Variants in CBL observed in about 807,000 individuals in gnomAD.
The protein encoded by CBL is E3 ubiquitin-protein ligase CBL.
Under a neutral mutation model 96.9 loss-of-function variants are expected in CBL, and 45 were observed. The observed-to-expected ratio is 0.46, with a 90% confidence interval of 0.37 to 0.60. The LOEUF (loss-of-function observed/expected upper bound fraction) is 0.60, where lower values mean the gene tolerates loss of function less well. CBL is among the 20% of genes least tolerant of loss of function. The pLI is 0.00. For synonymous variants in CBL, 420 were observed against 426.8 expected, an observed-to-expected ratio of 0.98 and a Z score of 0.20; for missense variants, 1,024 against 1,143.5, an observed-to-expected ratio of 0.90 and a Z score of 1.51.
intron 1 of CBL, among the ~76,000 whole-genome samples, chr11:119,227,889 T>C (rs2047609438): frequency 6.6e-6 from 1 of 152,196 alleles, no homozygotes; most frequent in South Asian, 2.1e-4. Context: ...TTTATTGTTT[T>C]ATTGCTTGAT....
At chr11:119,224,256 G>T (rs1949436996) in intron 1 of CBL, among the ~76,000 whole-genome samples, 1 of 152,140 alleles carries the variant, frequency 6.6e-6, no homozygotes, top group Non-Finnish European at 1.5e-5. Context: ...AACATTTATT[G>T]ATTGCATATG....
At chr11:119,258,696 G>A (rs924370980) in intron 2 of CBL, among the ~76,000 whole-genome samples, 5 of 152,110 alleles carry the variant, frequency 3.3e-5, no homozygotes, top group Non-Finnish European at 2.9e-5. Flanking sequence ...AGTATAATTT[G>A]ATGTTGGGTA....
intron 1 of CBL, among the ~76,000 whole-genome samples, chr11:119,231,791 C>T (rs575733544): frequency 6.6e-6 from 1 of 151,840 alleles, no homozygotes; most frequent in Non-Finnish European, 1.5e-5. Flanking sequence ...TTATTTCTGT[C>T]CCTGGGAATT....
chr11:119,288,818 G>A (rs1281289513), intron 12 of CBL, among the ~76,000 whole-genome samples: 3 of 152,146 alleles, frequency 2.0e-5, no homozygotes, highest in African/African-American at 7.2e-5. Flanking sequence ...AAGCCTGACT[G>A]TGTTTATTGA....
chr11:119,227,263 A>G (rs1949466037), intron 1 of CBL, among the ~76,000 whole-genome samples: 1 of 152,160 alleles, frequency 6.6e-6, no homozygotes, highest in Non-Finnish European at 1.5e-5. Context: ...AACATGTTTA[A>G]GGTAGGCTAG....
intron 2 of CBL, among the ~76,000 whole-genome samples, chr11:119,265,081 A>G (rs941384122): frequency 6.6e-6 from 1 of 151,856 alleles, no homozygotes; most frequent in Non-Finnish European, 1.5e-5. Flanking sequence ...GGGTCTCACT[A>G]TATTGCCCAG....
chr11:119,278,464 A>T (rs2135304275), intron 8 of CBL, 46 bp from the exon 9 acceptor site: 12 of 1,560,888 alleles, frequency 7.7e-6, no homozygotes, highest in Non-Finnish European at 1.1e-5. Flanking sequence ...TTAATATTTT[A>T]AGTATTTTCA....
chr11:119,258,571 T>TG (rs1260670800), intron 2 of CBL, among the ~76,000 whole-genome samples: 7 of 152,172 alleles, frequency 4.6e-5, no homozygotes, highest in Non-Finnish European at 7.3e-5. Flanking sequence ...TCTCCAGCAC[T>TG]GGGGGATTAC....
At position 119,240,090 on chromosome 11, in the gene CBL, G is replaced by A. The variant is rs11217205; in HGVS notation, c.443+7395G>A. 1.3e-3 allele frequency among the ~76,000 whole-genome samples: 191 copies of A among 152,010 alleles called. 3 individuals are homozygous for A. The East Asian group carries it at 0.025, about 20-fold the overall frequency. Reference sequence around the variant, plus strand: ...GCAGATCACTTGAGGTCAGGAGTTGGAGACCAGCCTGGCCAACATAGTGAA... The same window carrying A: ...GCAGATCACTTGAGGTCAGGAGTTGAAGACCAGCCTGGCCAACATAGTGAA... On this transcript the variant is annotated intron_variant, in intron 2 of 15. Coordinates refer to ENST00000264033, the MANE Select transcript of CBL (RefSeq NM_005188.4).
At position 119,252,699 on chromosome 11, in the gene CBL, TACAA is replaced by T. The variant is rs540740007; in HGVS notation, c.444-19014_444-19011del. Reference sequence around the variant, plus strand: ...GGTGAAACCCCATCTCTACCAAAAATACAAACAAACAAACAAACAAACAAAAAAA... The same window carrying T: ...GGTGAAACCCCATCTCTACCAAAAATACAAACAAACAAACAAACAAAAAAA... On this transcript the variant is annotated intron_variant, in intron 2 of 15. Coordinates refer to ENST00000264033, the MANE Select transcript of CBL (RefSeq NM_005188.4). 4.2e-3 allele frequency among the ~76,000 whole-genome samples: 634 copies of T among 151,776 alleles called. 2 individuals carry two copies. Among genetic ancestry groups the T allele is most frequent in the Non-Finnish European group, 5.4e-3 (369 of 67,938 alleles).
intron 6 of CBL, among the ~76,000 whole-genome samples, chr11:119,277,241 GCACACACACACACACA>G (rs59099916): frequency 4.1e-5 from 6 of 146,386 alleles, no homozygotes; most frequent in Non-Finnish European, 7.5e-5. Context: ...AATCTGTCGC[GCACACACACACACACA>G]CACACACACA....
intron 3 of CBL, 144 bp from the exon 4 acceptor site, chr11:119,273,724 A>G: frequency 1.3e-6 from 1 of 757,490 alleles, no homozygotes; most frequent in Non-Finnish European, 2.2e-6. Context: ...CTTTTCTTAA[A>G]GAAGTTGACC....
In CBL at chr11:119,299,532, A is replaced by G. The variant is rs1448727897; in HGVS notation, c.2472A>G (p.Pro824=). The change falls in exon 16 of 16, where the codon CCA becomes CCG. Residue 824 remains proline, a synonymous_variant. Transcript: ENST00000264033. The part of the protein sequence containing the change: ...TEGSQVPERP[P]KPFPRRINSE... ...GTTCCCAAGTTCCCGAGAGGCCTCC[A>G]AAACCATTCCCGCGGAGAATCAACT... 6.2e-7 allele frequency: 1 copy of G among 1,614,182 alleles called. No individual in the cohort carries two copies. The highest frequency in any genetic ancestry group is 1.1e-5 in the South Asian group (1 of 91,084).
chr11:119,219,251 C>G (rs1162328134), intron 1 of CBL, among the ~76,000 whole-genome samples: 3 of 151,708 alleles, frequency 2.0e-5, no homozygotes, highest in African/African-American at 7.3e-5. Context: ...TGGAGGCGGG[C>G]TCCTGTAATC....
At chr11:119,284,583 C>G (rs946621629) in intron 9 of CBL, among the ~76,000 whole-genome samples, 1 of 152,104 alleles carries the variant, frequency 6.6e-6, no homozygotes, top group Non-Finnish European at 1.5e-5. Flanking sequence ...CTGCCCCTTA[C>G]TTTTTATATG....
intron 2 of CBL, among the ~76,000 whole-genome samples, chr11:119,264,421 C>G (rs545647243): frequency 8.1e-6 from 1 of 124,098 alleles, no homozygotes; most frequent in Non-Finnish European, 1.7e-5. Context: ...CTCTTCTCTT[C>G]TCTTCTCTTC....
At chr11:119,239,402 AG>A (rs1278279425) in intron 2 of CBL, among the ~76,000 whole-genome samples, 6 of 152,170 alleles carry the variant, frequency 3.9e-5, no homozygotes, top group African/African-American at 1.2e-4. Flanking sequence ...TGTTAATTTT[AG>A]GTTCATATAT....
At chr11:119,250,933 A>G (rs891525836) in intron 2 of CBL, among the ~76,000 whole-genome samples, 2 of 152,216 alleles carry the variant, frequency 1.3e-5, no homozygotes, top group Admixed American at 6.5e-5. Context: ...CCTGGGTAAC[A>G]GAGCAAGACT....
At chr11:119,218,914 A>G (rs977442498) in intron 1 of CBL, among the ~76,000 whole-genome samples, 2 of 152,162 alleles carry the variant, frequency 1.3e-5, no homozygotes, top group African/African-American at 2.4e-5. Flanking sequence ...TGAATCTTCT[A>G]CTCATGAAAT....
Sources: gnomAD v4.1 joint callset for allele counts (sites outside exome capture counted in the v4.1 genomes callset) on GRCh38, gnomAD v4.1.1 for gene constraint, MANE v1.5 for transcripts, NCBI Gene and HGNC (gene_info 2026-07-23, HGNC 2026-07-21) for gene names.